The following IL18R1 variants were observed in gnomAD, a reference collection of about 807,000 sequenced individuals.
IL18R1 encodes interleukin 18 receptor 1.
A neutral mutation model predicts 48.5 loss-of-function variants in IL18R1; 40 were observed. That is an observed-to-expected ratio of 0.82 (90% CI 0.64 to 1.07). IL18R1 has a LOEUF of 1.07. Ranked by LOEUF, IL18R1 falls within the 50% of genes least tolerant of loss-of-function variation. The pLI, the probability that IL18R1 is intolerant of heterozygous loss-of-function variation, is 0.00. For synonymous variants in IL18R1, 232 were observed against 225.9 expected, an observed-to-expected ratio of 1.03 and a Z score of -0.24; for missense variants, 596 against 633.7, an observed-to-expected ratio of 0.94 and a Z score of 0.64.
At chr2:102,366,002 G>A (rs1678873103) in intron 2 of IL18R1, among the ~76,000 whole-genome samples, 1 of 152,126 alleles carries the variant, frequency 6.6e-6, no homozygotes, top group Non-Finnish European at 1.5e-5. Context: ...TGATGGGAGG[G>A]TCTCTCATGA....
chr2:102,384,800 A>G (rs1450127709), intron 6 of IL18R1, 78 bp from the exon 7 acceptor site: 3 of 1,541,206 alleles, frequency 1.9e-6, no homozygotes, highest in Non-Finnish European at 2.7e-6. Flanking sequence ...AGGTTAACAT[A>G]CATTGATTAT....
chr2:102,379,463 A>C (rs1679793162), intron 5 of IL18R1, among the ~76,000 whole-genome samples: 1 of 151,764 alleles, frequency 6.6e-6, no homozygotes, highest in Non-Finnish European at 1.5e-5. Flanking sequence ...AAAAAAAAAA[A>C]AAAGGAAAGA....
chr2:102,360,829 T>C (rs953064866), intron 1 of IL18R1, among the ~76,000 whole-genome samples: 6 of 152,240 alleles, frequency 3.9e-5, no homozygotes, highest in African/African-American at 1.4e-4. Context: ...CTTCTATGCC[T>C]ATTTTATTAA....
Position 102,396,830 on chromosome 2 carries a change from A to G in IL18R1, c.1570A>G (p.Thr524Ala). 2 of 1,611,842 alleles carry G rather than the reference A, an allele frequency of 1.2e-6. No homozygotes were observed. The highest frequency in any genetic ancestry group is 2.2e-5 in the East Asian group (1 of 44,874). ...KNLLYLMPAK[T>A]VKPGRDEPEV... Reference sequence around the variant, plus strand: ...CCTTCTTTACTTAATGCCTGCAAAAACAGTCAAGCCAGGTAGAGACGAACC... The same window carrying G: ...CCTTCTTTACTTAATGCCTGCAAAAGCAGTCAAGCCAGGTAGAGACGAACC... Residue 524 changes from threonine to alanine, a missense_variant, in exon 11 of 11, where the codon ACA (threonine) becomes GCA (alanine). Around this residue, in one of 3 missense-constraint regions of IL18R1, gnomAD observed 179 missense variants for 206.1 expected, o/e 0.87. Coordinates refer to ENST00000233957, the MANE Select transcript of IL18R1 (RefSeq NM_003855.5).
At chr2:102,364,933 G>A (rs1678798715) in intron 2 of IL18R1, among the ~76,000 whole-genome samples, 1 of 152,100 alleles carries the variant, frequency 6.6e-6, no homozygotes, top group Non-Finnish European at 1.5e-5. Context: ...CAGCATGAGG[G>A]TAATCACCCC....
intron 8 of IL18R1, 56 bp downstream of exon 8, chr2:102,387,056 C>T: frequency 1.9e-6 from 3 of 1,548,198 alleles, no homozygotes; most frequent in East Asian, 4.5e-5. Flanking sequence ...TACTGAGAGA[C>T]ATTTCAAAGA....
intron 8 of IL18R1, among the ~76,000 whole-genome samples, chr2:102,388,333 T>G (rs73006129): frequency 0.017 from 2,546 of 152,294 alleles, 72 homozygotes; most frequent in African/African-American, 0.058. Context: ...ACAAGCTTTA[T>G]AGAGGTGAAG....
At chr2:102,393,919 G>T (rs1023075968) in intron 9 of IL18R1, among the ~76,000 whole-genome samples, 7 of 152,098 alleles carry the variant, frequency 4.6e-5, no homozygotes, top group African/African-American at 1.7e-4. Context: ...TTCTGCTAAT[G>T]TGTTGTCTGT....
chr2:102,384,798 A>G lies in IL18R1; in HGVS notation c.689-80A>G, dbSNP rs959726256. On this transcript the variant is annotated intron_variant, in intron 6 of 10. Coordinates refer to ENST00000233957, the MANE Select transcript of IL18R1 (RefSeq NM_003855.5). ...GCACCACGTTTTGCTTTAGGTTAAC[A>G]TACATTGATTATATTGTTTTGAAAC... 4.6e-6 allele frequency: 7 copies of G among 1,533,926 alleles called. No homozygotes were observed. In the African/African-American group the frequency reaches 5.6e-5, roughly 12 times the overall value.
chr2:102,367,943 C>T lies in IL18R1; in HGVS notation c.177C>T (p.Ser59=). 1 of 1,614,222 alleles carries T rather than the reference C, an allele frequency of 6.2e-7. No homozygotes were observed. Among genetic ancestry groups the T allele is most frequent in the Non-Finnish European group, 8.5e-7 (1 of 1,180,034 alleles). Residue 59 remains serine (S), a synonymous_variant, in exon 3 of 11, where the codon AGC becomes AGT. Coordinates refer to ENST00000233957, the MANE Select transcript of IL18R1 (RefSeq NM_003855.5). ...IETTTKSWYK[S]SGSQEHVELN... ...CAACCACCAAAAGCTGGTACAAAAGCAGTGGATCACAGGAACATGTGGAGC... is the reference window on the plus strand; with the variant it reads ...CAACCACCAAAAGCTGGTACAAAAGTAGTGGATCACAGGAACATGTGGAGC...
intron 9 of IL18R1, among the ~76,000 whole-genome samples, chr2:102,392,909 C>A (rs1030498884): frequency 1.3e-5 from 2 of 151,952 alleles, no homozygotes; most frequent in Non-Finnish European, 2.9e-5. Context: ...GTCCCCTAAA[C>A]CTTTTAAAAC....
At chr2:102,361,773 A>G (rs958594745) in intron 1 of IL18R1, among the ~76,000 whole-genome samples, 1 of 152,196 alleles carries the variant, frequency 6.6e-6, no homozygotes, top group Non-Finnish European at 1.5e-5. Flanking sequence ...TTGTTTATGC[A>G]GTATTTAGAC....
At chr2:102,384,200 A>G (rs1559629717) in intron 6 of IL18R1, among the ~76,000 whole-genome samples, 1 of 152,194 alleles carries the variant, frequency 6.6e-6, no homozygotes, top group Non-Finnish European at 1.5e-5. Context: ...TGCTGCAGTC[A>G]TGTGTTTGAT....
chr2:102,374,991 T>A (rs996890226), intron 4 of IL18R1, among the ~76,000 whole-genome samples: 14 of 151,986 alleles, frequency 9.2e-5, no homozygotes, highest in Non-Finnish European at 1.5e-4. Context: ...CTTGAAAAAA[T>A]TAGTTTGGCT....
At chr2:102,358,402 C>T (rs762989794) in intron 1 of IL18R1, among the ~76,000 whole-genome samples, 15 of 151,956 alleles carry the variant, frequency 9.9e-5, no homozygotes, top group Non-Finnish European at 1.8e-4. Context: ...CTAGGTCACC[C>T]AATTTTTGAA....
intron 6 of IL18R1, among the ~76,000 whole-genome samples, chr2:102,383,695 T>G (rs893783188): frequency 7.2e-5 from 11 of 152,172 alleles, no homozygotes; most frequent in Non-Finnish European, 1.2e-4. Context: ...ATAAACTGCA[T>G]GTATTTGGGT....
At chr2:102,380,273 T>C (rs943199173) in intron 5 of IL18R1, among the ~76,000 whole-genome samples, 1 of 152,182 alleles carries the variant, frequency 6.6e-6, no homozygotes, top group African/African-American at 2.4e-5. Context: ...GGATTTCCAA[T>C]GATATAATTT....
Position 102,394,569 on chromosome 2 carries a change from G to A in IL18R1, c.1212G>A (p.Leu404=). ...CTGTGGAGATTTTGCCCAGGGTGTT[G>A]GAGAAACATTTTGGGTATAAGTTAT... The part of the protein sequence containing the change: ...TFAVEILPRV[L]EKHFGYKLCI... The change falls in exon 10 of 11, where the codon TTG becomes TTA. Residue 404 remains leucine, a synonymous_variant. Coordinates refer to ENST00000233957, the MANE Select transcript of IL18R1 (RefSeq NM_003855.5). The A allele has an allele frequency of 6.2e-7, 1 of 1,613,414 alleles. No homozygotes were observed. The highest frequency in any genetic ancestry group is 1.3e-5 in the African/African-American group (1 of 75,014).
Position 102,362,638 on chromosome 2 carries a change from C to T in IL18R1, c.-23C>T. ...TGTTTTATTCTGTTTTCCAGAGAAG[C>T]CATTTGAAGCAGAATCCAAACCATG... On this transcript the variant is annotated 5_prime_UTR_variant, in exon 2 of 11. Coordinates refer to ENST00000233957, the MANE Select transcript of IL18R1 (RefSeq NM_003855.5). 6.3e-7 allele frequency: 1 copy of T among 1,593,640 alleles called. No individual in the cohort carries two copies. Among genetic ancestry groups the T allele is most frequent in the Non-Finnish European group, 8.5e-7 (1 of 1,172,330 alleles).
Sources: allele counts gnomAD v4.1 joint callset (sites outside exome capture counted in the v4.1 genomes callset), GRCh38; gene constraint gnomAD v4.1.1; regional missense constraint gnomAD v4.1.1; transcripts MANE v1.5; gene names NCBI Gene and HGNC (gene_info 2026-07-23, HGNC 2026-07-21).